Variants in HLCS observed in about 807,000 individuals in gnomAD.
HLCS encodes biotin--protein ligase.
HLCS carries 53 observed loss-of-function variants against 75.0 expected under a neutral mutation model. The ratio of observed to expected loss-of-function variants is 0.71; its 90% CI spans 0.57 to 0.89. HLCS has a LOEUF of 0.89. HLCS is among the 40% of genes least tolerant of loss of function. The pLI is 0.00. For synonymous variants in HLCS, 431 were observed against 428.6 expected, an observed-to-expected ratio of 1.01 and a Z score of -0.07; for missense variants, 966 against 1,074.0, an observed-to-expected ratio of 0.90 and a Z score of 1.41.
intron 1 of HLCS, 140 bp downstream of exon 1, chr21:36,966,304 C>T: frequency 3.9e-6 from 1 of 255,852 alleles, no homozygotes; most frequent in South Asian, 1.5e-4. Flanking sequence ...GGCAACAGCC[C>T]CTCCCGGGCC....
intron 1 of HLCS, among the ~76,000 whole-genome samples, chr21:36,979,922 G>A (rs28530): frequency 5.3e-5 from 8 of 150,600 alleles, no homozygotes; most frequent in African/African-American, 2.0e-4. Context: ...AGGCATGGTG[G>A]TGTGTGCCTG....
At chr21:36,869,051 A>G (rs2063674229) in intron 6 of HLCS, among the ~76,000 whole-genome samples, 1 of 107,474 alleles carries the variant, frequency 9.3e-6, no homozygotes, top group East Asian at 2.3e-4. Context: ...AACAACTGCA[A>G]CTTTTTTTCA....
At chr21:36,965,923 T>TG (rs1300115535) in intron 1 of HLCS, among the ~76,000 whole-genome samples, 2 of 103,680 alleles carry the variant, frequency 1.9e-5, no homozygotes, top group South Asian at 3.1e-4. Context: ...CCTAAGTGTT[T>TG]TTTTTGTTTT....
chr21:36,790,399 T>C (rs1232448880), intron 6 of HLCS, among the ~76,000 whole-genome samples: 2 of 151,904 alleles, frequency 1.3e-5, no homozygotes, highest in East Asian at 3.9e-4. Context: ...TGGGACCCCA[T>C]CTCAAAACAA....
At chr21:36,792,467 A>C in intron 6 of HLCS, among the ~76,000 whole-genome samples, 1 of 112,800 alleles carries the variant, frequency 8.9e-6, no homozygotes, top group African/African-American at 3.4e-5. Context: ...GGGGGGAGGG[A>C]AGGGAGAGGG....
chr21:36,930,477 G>C (rs776824912), intron 4 of HLCS, 44 bp from the exon 5 acceptor site: 1 of 1,454,672 alleles, frequency 6.9e-7, no homozygotes, highest in Non-Finnish European at 9.6e-7. Flanking sequence ...GGCACTCACA[G>C]GCAATGAGAA....
intron 6 of HLCS, among the ~76,000 whole-genome samples, chr21:36,805,664 T>C (rs1371026281): frequency 1.3e-5 from 2 of 152,134 alleles, no homozygotes; most frequent in African/African-American, 4.8e-5. Context: ...TGCCGCTGAC[T>C]GCCAAGGGAA....
At chr21:36,849,389 T>C (rs1001138472) in intron 6 of HLCS, among the ~76,000 whole-genome samples, 4 of 152,254 alleles carry the variant, frequency 2.6e-5, no homozygotes, top group Admixed American at 2.6e-4. Context: ...TGTAAAGCCA[T>C]TCAACGTAAT....
chr21:36,790,557 A>G (rs1032521014), intron 6 of HLCS, among the ~76,000 whole-genome samples: 9 of 152,266 alleles, frequency 5.9e-5, no homozygotes, highest in African/African-American at 2.2e-4. Flanking sequence ...GATTGAAGAC[A>G]GGAAACAACC....
intron 8 of HLCS, among the ~76,000 whole-genome samples, chr21:36,761,290 C>T (rs1430822642): frequency 1.3e-5 from 2 of 152,194 alleles, no homozygotes; most frequent in Non-Finnish European, 2.9e-5. Flanking sequence ...CTATGCTACG[C>T]GGCCTGTTGC....
At chr21:36,784,991 G>A (rs1002081790) in intron 6 of HLCS, among the ~76,000 whole-genome samples, 11 of 152,130 alleles carry the variant, frequency 7.2e-5, no homozygotes, top group African/African-American at 1.4e-4. Context: ...TGAAGGTAAC[G>A]AATTCCTTCC....
At chr21:36,796,723 C>T (rs1033560348) in intron 6 of HLCS, among the ~76,000 whole-genome samples, 2 of 152,192 alleles carry the variant, frequency 1.3e-5, no homozygotes, top group African/African-American at 4.8e-5. Flanking sequence ...GACTCTTCTA[C>T]TGAGGGATAT....
chr21:36,963,955 C>T (rs545604730), intron 1 of HLCS, among the ~76,000 whole-genome samples: 1 of 152,184 alleles, frequency 6.6e-6, no homozygotes, highest in South Asian at 2.1e-4. Flanking sequence ...GGCTTGGTGG[C>T]TCACACCTGT....
chr21:36,776,227 T>C (rs538445418), intron 6 of HLCS, among the ~76,000 whole-genome samples: 2 of 152,324 alleles, frequency 1.3e-5, no homozygotes, highest in East Asian at 3.9e-4. Context: ...AAAGGTTCAC[T>C]TTTTACCATA....
chr21:36,972,824 ATAT>A (rs984333804), intron 1 of HLCS, among the ~76,000 whole-genome samples: 4 of 152,218 alleles, frequency 2.6e-5, no homozygotes, highest in Admixed American at 6.5e-5. Context: ...ATCTAAGGGA[ATAT>A]TATTAGGTTT....
intron 5 of HLCS, among the ~76,000 whole-genome samples, chr21:36,922,759 G>A (rs147184614): frequency 1.6e-3 from 242 of 152,210 alleles, no homozygotes; most frequent in African/African-American, 5.5e-3. Context: ...GGGAAATGGG[G>A]GATTAAACAC....
upstream of HLCS, among the ~76,000 whole-genome samples, chr21:36,967,697 G>C (rs58557562): frequency 6.6e-6 from 1 of 152,188 alleles, no homozygotes; most frequent in Admixed American, 6.5e-5. Flanking sequence ...TGTACACCAC[G>C]TCCATGTCTT....
At chr21:36,797,599 A>G (rs549423262) in intron 6 of HLCS, among the ~76,000 whole-genome samples, 2 of 152,306 alleles carry the variant, frequency 1.3e-5, no homozygotes, top group East Asian at 3.9e-4. Flanking sequence ...ATTTAAACAT[A>G]TCAGATTAAT....
chr21:36,895,493 C>G (rs1262297291), intron 6 of HLCS, among the ~76,000 whole-genome samples: 1 of 151,542 alleles, frequency 6.6e-6, no homozygotes, highest in East Asian at 1.9e-4. Flanking sequence ...ACTCAGTACA[C>G]AACAATTACT....
Sources: allele counts gnomAD v4.1 joint callset (sites outside exome capture counted in the v4.1 genomes callset), GRCh38; gene constraint gnomAD v4.1.1; transcripts MANE v1.5; gene names NCBI Gene and HGNC (gene_info 2026-07-23, HGNC 2026-07-21).